FGF13: variants seen among roughly 807,000 people sequenced by gnomAD.
FGF13 encodes fibroblast growth factor homologous factor 2.
In FGF13, 2 loss-of-function variants were observed where a neutral mutation model predicts 19.5. The observed-to-expected ratio is 0.10, with a 90% confidence interval of 0.04 to 0.32. FGF13 has a LOEUF of 0.32. Among genes scored for constraint, FGF13 ranks in the 10% least tolerant of loss-of-function variants. The pLI is 1.00. For synonymous variants in FGF13, 72 were observed against 76.9 expected (o/e 0.94, Z 0.33); for missense variants, 113 against 192.7 (o/e 0.59, Z 2.45).
intron 3 of FGF13, among the ~76,000 whole-genome samples, chrX:138,815,947 A>T (rs1250379928): frequency 1.8e-5 from 2 of 111,035 alleles, no homozygotes; most frequent in Non-Finnish European, 3.8e-5. Flanking sequence ...AATAAAACAA[A>T]TGATTGTTAA....
intron 1 of FGF13, among the ~76,000 whole-genome samples, chrX:138,873,501 G>A (rs2091369289): frequency 9.0e-6 from 1 of 111,700 alleles, no homozygotes. Flanking sequence ...TAACGCAAAG[G>A]GGAAATAAAG....
Position 138,711,697 on chromosome X carries a change from C to A in FGF13, c.-694G>T, listed in dbSNP as rs1054952576. 4.0e-5 allele frequency: 30 copies of A among 752,408 alleles called. No homozygotes were observed. The highest frequency in any genetic ancestry group is 4.6e-5 in the African/African-American group (2 of 43,259). The allele number at this position is 752,408 out of a possible 1,213,427, so 62.0% of individuals were successfully genotyped here. ...AGCACAGGAATTCAGCCGCCGCAGG[C>A]ACCCTCCGGAACAGCGCGACAGCCT... On this transcript the variant is annotated 5_prime_UTR_variant, in exon 1 of 5. Transcript: ENST00000315930.
chrX:139,138,614 G>A (rs937085850), intron 1 of FGF13, among the ~76,000 whole-genome samples: 2 of 111,341 alleles, frequency 1.8e-5, no homozygotes, highest in African/African-American at 3.3e-5. Flanking sequence ...CAGACACACA[G>A]TACAGGGGAA....
chrX:138,672,872 T>C (rs1602682431), intron 3 of FGF13, among the ~76,000 whole-genome samples: 1 of 111,080 alleles, frequency 9.0e-6, no homozygotes, highest in Non-Finnish European at 1.9e-5. Context: ...GTCAGTGAGG[T>C]AGAAGAAAAG....
chrX:139,159,538 T>C (rs1463904371), intron 1 of FGF13, among the ~76,000 whole-genome samples: 1 of 109,059 alleles, frequency 9.2e-6, no homozygotes, highest in Non-Finnish European at 1.9e-5. Flanking sequence ...ACTGGCAAAT[T>C]GGATAAAGAG....
At chrX:138,920,851 G>A (rs890215563) in intron 1 of FGF13, among the ~76,000 whole-genome samples, 4 of 111,084 alleles carry the variant, frequency 3.6e-5, no homozygotes, top group Non-Finnish European at 5.7e-5. Flanking sequence ...CTATGAACTC[G>A]GCCAACTATG....
chrX:138,773,918 C>T (rs2090567322), intron 3 of FGF13, among the ~76,000 whole-genome samples: 1 of 111,305 alleles, frequency 9.0e-6, no homozygotes, highest in Admixed American at 9.5e-5. Flanking sequence ...TTTGCCTTCA[C>T]AAATATACAC....
At chrX:138,680,383 C>T (rs2089715938) in intron 3 of FGF13, among the ~76,000 whole-genome samples, 1 of 111,940 alleles carries the variant, frequency 8.9e-6, no homozygotes, top group Admixed American at 9.5e-5. Flanking sequence ...CTATCTATGG[C>T]AGCTATGGCC....
At chrX:138,893,807 A>G (rs758549194) in intron 1 of FGF13, among the ~76,000 whole-genome samples, 17 of 111,355 alleles carry the variant, frequency 1.5e-4, no homozygotes, top group Non-Finnish European at 2.3e-4. Context: ...AATAGGAGCT[A>G]TTATGGGTAA....
chrX:138,739,615 G>A (rs190730456), upstream of FGF13, among the ~76,000 whole-genome samples: 2 of 111,587 alleles, frequency 1.8e-5, no homozygotes, highest in African/African-American at 3.3e-5. Context: ...TATGAAAAAC[G>A]GTCTGTAACA....
intron 3 of FGF13, among the ~76,000 whole-genome samples, chrX:138,778,228 A>G: frequency 9.1e-6 from 1 of 110,376 alleles, no homozygotes; most frequent in Non-Finnish European, 1.9e-5. Flanking sequence ...AAGGTGCTTA[A>G]CATAATTATC....
intron 3 of FGF13, among the ~76,000 whole-genome samples, chrX:138,745,858 C>T (rs1472198170): frequency 9.0e-6 from 1 of 111,425 alleles, no homozygotes; most frequent in Non-Finnish European, 1.9e-5. Context: ...CAATCAGTGC[C>T]ATCTTAAAGA....
chrX:139,167,479 TAA>T (rs2084096234), intron 1 of FGF13, among the ~76,000 whole-genome samples: 1 of 111,986 alleles, frequency 8.9e-6, no homozygotes, highest in Non-Finnish European at 1.9e-5. Flanking sequence ...TCTGAGATAT[TAA>T]TGTTGGCAAC....
chrX:138,852,178 A>G (rs2091227015), intron 3 of FGF13, among the ~76,000 whole-genome samples: 1 of 111,998 alleles, frequency 8.9e-6, no homozygotes, highest in African/African-American at 3.2e-5. Context: ...TTCCTGTTAA[A>G]CTACCATTTA....
intron 1 of FGF13, among the ~76,000 whole-genome samples, chrX:139,147,587 G>T (rs965258310): frequency 9.0e-6 from 1 of 111,637 alleles, no homozygotes; most frequent in Non-Finnish European, 1.9e-5. Context: ...TAACAAAATC[G>T]CAAACTGGAT....
chrX:138,910,488 A>G (rs2091581973), intron 1 of FGF13, among the ~76,000 whole-genome samples: 1 of 111,971 alleles, frequency 8.9e-6, no homozygotes, highest in East Asian at 2.9e-4. Context: ...GAAGTCCCAA[A>G]TGAATCTAAT....
At chrX:138,828,854 C>T (rs1323366279) in intron 3 of FGF13, among the ~76,000 whole-genome samples, 4 of 110,867 alleles carry the variant, frequency 3.6e-5, no homozygotes, top group African/African-American at 6.6e-5. Context: ...GCACCTACTA[C>T]GTGCCAGGAA....
chrX:139,133,305 G>A (rs1244925748), intron 1 of FGF13, among the ~76,000 whole-genome samples: 1 of 102,083 alleles, frequency 9.8e-6, no homozygotes, highest in Non-Finnish European at 2.0e-5. Flanking sequence ...ACATATCTGA[G>A]CCTGGAGGAG....
chrX:138,961,973 C>T (rs754197599), intron 1 of FGF13, among the ~76,000 whole-genome samples: 1 of 111,995 alleles, frequency 8.9e-6, no homozygotes, highest in Non-Finnish European at 1.9e-5. Flanking sequence ...GCAATGGCAA[C>T]ACAAGCCAAA....
Sources: gnomAD v4.1 joint callset for allele counts (sites outside exome capture counted in the v4.1 genomes callset) on GRCh38, gnomAD v4.1.1 for gene constraint, MANE v1.5 for transcripts, NCBI Gene and HGNC (gene_info 2026-07-23, HGNC 2026-07-21) for gene names.